Variants in TRPM3 observed in about 807,000 individuals in gnomAD.
The protein encoded by TRPM3 is transient receptor potential cation channel subfamily M member 3.
A neutral mutation model predicts 181.2 loss-of-function variants in TRPM3; 77 were observed. The observed-to-expected ratio is 0.42, with a 90% CI of 0.35 to 0.51. The LOEUF is 0.51. Among genes scored for constraint, TRPM3 ranks in the 20% least tolerant of loss-of-function variants. The pLI is 0.01. For missense variants in TRPM3, 1,759 were observed against 2,196.7 expected (o/e 0.80, Z 3.98); for synonymous variants, 745 against 796.4 (o/e 0.94, Z 1.09).
chr9:70,670,906 A>G (rs1257359693), intron 9 of TRPM3, among the ~76,000 whole-genome samples: 1 of 152,178 alleles, frequency 6.6e-6, no homozygotes, highest in Non-Finnish European at 1.5e-5. Context: ...CAGAGGTTAG[A>G]TAACTTTGTT....
chr9:70,681,279 T>C (rs1265223333), intron 9 of TRPM3, among the ~76,000 whole-genome samples: 1 of 152,194 alleles, frequency 6.6e-6, no homozygotes, highest in Non-Finnish European at 1.5e-5. Flanking sequence ...TTCATGGACA[T>C]AACTAAACTG....
At chr9:71,430,145 G>A (rs2093933414) in intron 1 of TRPM3, among the ~76,000 whole-genome samples, 1 of 152,024 alleles carries the variant, frequency 6.6e-6, no homozygotes, top group African/African-American at 2.4e-5. Context: ...GCCTTCATTA[G>A]AATATAAGCT....
intron 1 of TRPM3, among the ~76,000 whole-genome samples, chr9:71,291,475 G>A (rs954069623): frequency 4.3e-4 from 65 of 152,186 alleles, no homozygotes; most frequent in African/African-American, 1.4e-3. Flanking sequence ...AAGCCAATTA[G>A]ATCTTTAATT....
intron 1 of TRPM3, among the ~76,000 whole-genome samples, chr9:70,924,180 A>C (rs1034330143): frequency 6.6e-6 from 1 of 152,016 alleles, no homozygotes; most frequent in Admixed American, 6.6e-5. Flanking sequence ...AACATCATCT[A>C]ATGCACAGAA....
chr9:71,034,128 A>G (rs1590842589), intron 1 of TRPM3, among the ~76,000 whole-genome samples: 1 of 152,202 alleles, frequency 6.6e-6, no homozygotes, highest in Non-Finnish European at 1.5e-5. Context: ...ACAAATCGAC[A>G]TGGAACAAAA....
At chr9:71,399,458 A>G (rs1299188265) in intron 1 of TRPM3, among the ~76,000 whole-genome samples, 2 of 151,984 alleles carry the variant, frequency 1.3e-5, no homozygotes, top group Admixed American at 6.6e-5. Flanking sequence ...AAGGGAATCT[A>G]TAAAGTAAGC....
At chr9:71,325,307 T>C (rs2089588555) in intron 1 of TRPM3, among the ~76,000 whole-genome samples, 1 of 152,182 alleles carries the variant, frequency 6.6e-6, no homozygotes, top group Admixed American at 6.5e-5. Flanking sequence ...TGCAGGCCAA[T>C]GTGATGAGCA....
chr9:70,942,518 G>A (rs955846800), intron 1 of TRPM3, among the ~76,000 whole-genome samples: 16 of 152,180 alleles, frequency 1.1e-4, no homozygotes, highest in African/African-American at 3.6e-4. Flanking sequence ...TCAAAACCTT[G>A]TTTGGAAATT....
At chr9:71,026,802 C>A (rs979918434) in intron 1 of TRPM3, among the ~76,000 whole-genome samples, 14 of 152,218 alleles carry the variant, frequency 9.2e-5, no homozygotes, top group Non-Finnish European at 5.9e-5. Flanking sequence ...CAATCCTGTG[C>A]CCATCAGTGT....
intron 1 of TRPM3, among the ~76,000 whole-genome samples, chr9:70,945,110 G>C (rs2096920326): frequency 6.6e-6 from 1 of 152,126 alleles, no homozygotes; most frequent in South Asian, 2.1e-4. Context: ...AAGCTCCCCA[G>C]GTAAGTCCAA....
intron 1 of TRPM3, among the ~76,000 whole-genome samples, chr9:71,246,222 T>A (rs2082028708): frequency 6.6e-6 from 1 of 152,196 alleles, no homozygotes; most frequent in African/African-American, 2.4e-5. Flanking sequence ...ACAAGAATGT[T>A]TTATGTTCAT....
At chr9:70,902,257 A>T (rs571129882) in intron 1 of TRPM3, among the ~76,000 whole-genome samples, 34 of 152,362 alleles carry the variant, frequency 2.2e-4, no homozygotes, top group African/African-American at 8.2e-4. Flanking sequence ...TTGCAAAGTC[A>T]GTCATGGCTC....
chr9:71,076,000 T>C (rs554392238), intron 1 of TRPM3, among the ~76,000 whole-genome samples: 1 of 152,306 alleles, frequency 6.6e-6, no homozygotes, highest in Non-Finnish European at 1.5e-5. Context: ...GTTGTAGTTT[T>C]ATGGTTTCAT....
At chr9:71,164,102 C>T (rs2076408863) in intron 1 of TRPM3, among the ~76,000 whole-genome samples, 1 of 152,090 alleles carries the variant, frequency 6.6e-6, no homozygotes, top group South Asian at 2.1e-4. Flanking sequence ...GGGAGCTGTA[C>T]AATTAAGAAG....
intron 1 of TRPM3, among the ~76,000 whole-genome samples, chr9:71,435,336 T>C (rs983130041): frequency 2.6e-5 from 4 of 152,234 alleles, no homozygotes; most frequent in African/African-American, 9.6e-5. Flanking sequence ...CAAGAAAGTC[T>C]CTCAGAAGTC....
At chr9:71,305,852 C>T (rs1190567385) in intron 1 of TRPM3, among the ~76,000 whole-genome samples, 1 of 152,058 alleles carries the variant, frequency 6.6e-6, no homozygotes, top group Non-Finnish European at 1.5e-5. Context: ...TAGGAATTAC[C>T]TTATATTTGG....
intron 1 of TRPM3, among the ~76,000 whole-genome samples, chr9:71,323,428 T>A (rs936904828): frequency 6.6e-6 from 1 of 152,174 alleles, no homozygotes; most frequent in African/African-American, 2.4e-5. Flanking sequence ...AAAGAGGTAG[T>A]GTTATCTACA....
intron 1 of TRPM3, among the ~76,000 whole-genome samples, chr9:71,420,623 AAAAGAAAAAGAAAAAGAGAGAGAAAGAG>A (rs1180705006): frequency 5.5e-5 from 8 of 144,330 alleles, no homozygotes; most frequent in East Asian, 2.0e-4. Flanking sequence ...GAAAGACAGA[AAAAGAAAAAGAAAAAGAGAGAGAAAGAG>A]AAAGAAAAAG....
intron 1 of TRPM3, among the ~76,000 whole-genome samples, chr9:71,441,354 C>T (rs1191398286): frequency 6.6e-6 from 1 of 151,764 alleles, no homozygotes; most frequent in Non-Finnish European, 1.5e-5. Context: ...CAAAAATCAA[C>T]CTGTCAAGAA....
Sources: allele counts gnomAD v4.1 joint callset (sites outside exome capture counted in the v4.1 genomes callset), GRCh38; gene constraint gnomAD v4.1.1; transcripts MANE v1.5; gene names NCBI Gene and HGNC (gene_info 2026-07-23, HGNC 2026-07-21).